Variants in GRIA4 observed in about 807,000 individuals in gnomAD.
GRIA4 encodes the protein glutamate ionotropic receptor AMPA type subunit 4.
A neutral mutation model predicts 104.0 loss-of-function variants in GRIA4; 34 were observed. That is an observed-to-expected ratio of 0.33 (90% CI 0.25 to 0.44). The LOEUF (loss-of-function observed/expected upper bound fraction) is 0.44, where lower values mean the gene tolerates loss of function less well. GRIA4 is among the 20% of genes least tolerant of loss of function. GRIA4 has a pLI of 1.00. For synonymous variants in GRIA4, 386 were observed against 381.9 expected (o/e 1.01, Z -0.13); for missense variants, 750 against 1,096.5 (o/e 0.68, Z 4.46).
intron 4 of GRIA4, among the ~76,000 whole-genome samples, chr11:105,769,659 C>T (rs1029113970): frequency 7.2e-5 from 11 of 151,994 alleles, no homozygotes; most frequent in African/African-American, 1.2e-4. Flanking sequence ...AGTGACAGGA[C>T]GAAAGTTCGT....
At chr11:105,708,239 G>A (rs1953777970) in intron 3 of GRIA4, among the ~76,000 whole-genome samples, 1 of 152,068 alleles carries the variant, frequency 6.6e-6, no homozygotes, top group African/African-American at 2.4e-5. Flanking sequence ...AAGGGGGAAT[G>A]AGAAAGTATA....
intron 4 of GRIA4, among the ~76,000 whole-genome samples, chr11:105,830,863 G>T (rs375968207): frequency 5.9e-5 from 9 of 152,026 alleles, no homozygotes; most frequent in Admixed American, 3.3e-4. Flanking sequence ...ATATTGCAGA[G>T]AATTATTTTG....
At chr11:105,952,607 G>A (rs1267205360) in intron 14 of GRIA4, among the ~76,000 whole-genome samples, 1 of 152,194 alleles carries the variant, frequency 6.6e-6, no homozygotes, top group Non-Finnish European at 1.5e-5. Context: ...AAATTCCAAT[G>A]AACATGCAAT....
intron 10 of GRIA4, chr11:105,912,366 T>A: frequency 1.0e-6 from 1 of 970,486 alleles, no homozygotes; most frequent in South Asian, 4.8e-5. Context: ...AGGTATGATA[T>A]AGAGAATCTC....
chr11:105,742,693 T>C (rs1261281570), intron 3 of GRIA4, among the ~76,000 whole-genome samples: 2 of 152,050 alleles, frequency 1.3e-5, no homozygotes, highest in East Asian at 1.9e-4. Flanking sequence ...ATTACATAAT[T>C]ACCAAAGCCC....
chr11:105,752,684 A>G (rs967080040), intron 3 of GRIA4, among the ~76,000 whole-genome samples: 2 of 152,160 alleles, frequency 1.3e-5, no homozygotes, highest in Non-Finnish European at 2.9e-5. Flanking sequence ...CCACATTATT[A>G]TGGAAGGCCA....
rs112993668 is a variant in GRIA4 at position 105,815,675 on chromosome 11, C to CA, written c.488-46338dup. Among the ~76,000 whole-genome samples the CA allele has an allele frequency of 4.1e-3, 600 of 146,790 alleles. 4 individuals are homozygous for CA. The highest frequency in any genetic ancestry group is 0.016 in the East Asian group (81 of 5,066). On this transcript the variant is annotated intron_variant, in intron 4 of 16. Coordinates refer to ENST00000282499, the MANE Select transcript of GRIA4 (RefSeq NM_000829.4). ...GGGGTTTATATGAATGAAAAACGAC[C>CA]AAAAAAAAAAATGTGGATGAGTCCT...
intron 9 of GRIA4, among the ~76,000 whole-genome samples, chr11:105,907,337 C>A (rs1188610927): frequency 2.6e-5 from 4 of 151,710 alleles, no homozygotes; most frequent in African/African-American, 7.3e-5. Context: ...TTTTCCATGG[C>A]AACGATCAAC....
At chr11:105,748,104 T>C (rs999822888) in intron 3 of GRIA4, among the ~76,000 whole-genome samples, 3 of 152,242 alleles carry the variant, frequency 2.0e-5, no homozygotes, top group Non-Finnish European at 4.4e-5. Context: ...CTTCTGCTCA[T>C]GATTTTACAT....
At chr11:105,669,456 G>T (rs1447707709) in intron 3 of GRIA4, among the ~76,000 whole-genome samples, 3 of 151,688 alleles carry the variant, frequency 2.0e-5, no homozygotes, top group Admixed American at 2.0e-4. Context: ...ACCCATTTAG[G>T]ATACACGATC....
At chr11:105,927,808 T>C (rs1258459825) in intron 13 of GRIA4, among the ~76,000 whole-genome samples, 1 of 151,976 alleles carries the variant, frequency 6.6e-6, no homozygotes, top group Non-Finnish European at 1.5e-5. Flanking sequence ...ACCCAAAAAT[T>C]AAAAAGTTCG....
intron 16 of GRIA4, among the ~76,000 whole-genome samples, chr11:105,978,345 C>A (rs1424515609): frequency 7.2e-6 from 1 of 139,280 alleles, no homozygotes; most frequent in East Asian, 2.1e-4. Flanking sequence ...ATACATGTTT[C>A]TGTGAAGACC....
chr11:105,975,825 C>T (rs1858953604), intron 16 of GRIA4, among the ~76,000 whole-genome samples: 1 of 152,030 alleles, frequency 6.6e-6, no homozygotes, highest in Non-Finnish European at 1.5e-5. Context: ...GAGCCAATGC[C>T]ATCCCTTTTT....
intron 5 of GRIA4, among the ~76,000 whole-genome samples, chr11:105,866,565 A>G (rs1022826300): frequency 4.4e-5 from 5 of 114,184 alleles, no homozygotes; most frequent in Non-Finnish European, 9.9e-5. Context: ...ATATATATAT[A>G]TATATATATA....
chr11:105,752,325 G>C (rs1298444233), intron 3 of GRIA4, among the ~76,000 whole-genome samples: 1 of 152,040 alleles, frequency 6.6e-6, no homozygotes, highest in Non-Finnish European at 1.5e-5. Flanking sequence ...AACATGCGCA[G>C]CTGGCCCCAA....
intron 3 of GRIA4, among the ~76,000 whole-genome samples, chr11:105,622,442 C>T (rs1950772103): frequency 6.6e-6 from 1 of 151,826 alleles, no homozygotes; most frequent in Non-Finnish European, 1.5e-5. Context: ...TCTTTTTTGA[C>T]TGAATTTGAG....
At chr11:105,726,594 C>A (rs1178472896) in intron 3 of GRIA4, among the ~76,000 whole-genome samples, 4 of 152,144 alleles carry the variant, frequency 2.6e-5, no homozygotes, top group Admixed American at 1.3e-4. Context: ...TGTGGAGACA[C>A]CTCCCAGCAG....
chr11:105,642,970 C>CA (rs1196827834), intron 3 of GRIA4, among the ~76,000 whole-genome samples: 1 of 152,058 alleles, frequency 6.6e-6, no homozygotes, highest in Non-Finnish European at 1.5e-5. Flanking sequence ...AAAAGGAAAG[C>CA]AAACACAACC....
chr11:105,834,119 G>A (rs901499803), intron 4 of GRIA4, among the ~76,000 whole-genome samples: 2 of 151,990 alleles, frequency 1.3e-5, no homozygotes, highest in Non-Finnish European at 2.9e-5. Context: ...AGAATAAGTT[G>A]TAATTAGATA....
Sources: gnomAD v4.1 joint callset for allele counts (sites outside exome capture counted in the v4.1 genomes callset) on GRCh38, gnomAD v4.1.1 for gene constraint, MANE v1.5 for transcripts, NCBI Gene and HGNC (gene_info 2026-07-23, HGNC 2026-07-21) for gene names.